The following ZDHHC15 variants were observed in gnomAD, a reference collection of about 807,000 sequenced individuals.
ZDHHC15 encodes zDHHC palmitoyltransferase 15.
In ZDHHC15, 19 loss-of-function variants were observed where a neutral mutation model predicts 31.7. The ratio of observed to expected loss-of-function variants is 0.60; its 90% CI spans 0.42 to 0.88. ZDHHC15 has a LOEUF of 0.88. Ranked by LOEUF, ZDHHC15 falls within the 40% of genes least tolerant of loss-of-function variation. ZDHHC15 has a pLI of 0.00. For synonymous variants in ZDHHC15, 103 were observed against 90.0 expected (o/e 1.14, Z -0.82); for missense variants, 209 against 251.2 (o/e 0.83, Z 1.14).
intron 2 of ZDHHC15, among the ~76,000 whole-genome samples, chrX:75,486,158 C>A (rs2084774601): frequency 8.9e-6 from 1 of 112,561 alleles, no homozygotes; most frequent in Non-Finnish European, 1.9e-5. Context: ...AAACATACAT[C>A]CCCACTGGGA....
chrX:75,411,308 A>C (rs1403566421), intron 10 of ZDHHC15, among the ~76,000 whole-genome samples: 1 of 110,134 alleles, frequency 9.1e-6, no homozygotes, highest in Non-Finnish European at 1.9e-5. Flanking sequence ...TCTGGGGTTC[A>C]CGCCACTCTC....
At chrX:75,466,385 T>G (rs951347892) in intron 3 of ZDHHC15, among the ~76,000 whole-genome samples, 16 of 111,420 alleles carry the variant, frequency 1.4e-4, no homozygotes, top group Non-Finnish European at 2.6e-4. Flanking sequence ...AGTGTGGCAA[T>G]TCCTTGAAGA....
intron 1 of ZDHHC15, among the ~76,000 whole-genome samples, chrX:75,518,603 C>T (rs1476249759): frequency 9.4e-6 from 1 of 106,528 alleles, no homozygotes; most frequent in African/African-American, 3.4e-5. Flanking sequence ...CATAGAATTA[C>T]CATACAGTCC....
At chrX:75,518,842 CACACAA>C (rs1422708057) in intron 1 of ZDHHC15, among the ~76,000 whole-genome samples, 7 of 62,631 alleles carry the variant, frequency 1.1e-4, no homozygotes, top group Non-Finnish European at 1.6e-4. Context: ...CACACACACA[CACACAA>C]TAGACTATTA....
intron 2 of ZDHHC15, among the ~76,000 whole-genome samples, chrX:75,504,648 C>A (rs910732975): frequency 2.7e-5 from 3 of 111,859 alleles, no homozygotes; most frequent in Non-Finnish European, 5.7e-5. Flanking sequence ...TCAAGTCTCA[C>A]TGGCTTATGC....
intron 1 of ZDHHC15, among the ~76,000 whole-genome samples, chrX:75,511,654 C>T (rs775358274): frequency 2.8e-5 from 3 of 106,325 alleles, no homozygotes; most frequent in East Asian, 3.0e-4. Context: ...TCCTTGCCCA[C>T]GCCTATGAAG....
intron 3 of ZDHHC15, among the ~76,000 whole-genome samples, chrX:75,474,650 C>G (rs1325534631): frequency 1.8e-5 from 1 of 54,223 alleles, no homozygotes; most frequent in Admixed American, 2.4e-4. Context: ...CTAAAATATT[C>G]CTGATCATTG....
chrX:75,392,932 T>C (rs1265758296), intron 10 of ZDHHC15, among the ~76,000 whole-genome samples: 2 of 106,318 alleles, frequency 1.9e-5, no homozygotes, highest in Admixed American at 1.0e-4. Context: ...CAGCAGGTCA[T>C]GGTTTTTTTT....
intron 3 of ZDHHC15, among the ~76,000 whole-genome samples, chrX:75,474,446 TATACACAC>T (rs200503075): frequency 1.2e-3 from 82 of 66,076 alleles, no homozygotes; most frequent in South Asian, 8.0e-3. Context: ...TATATATATA[TATACACAC>T]ACACACACAC....
intron 4 of ZDHHC15, among the ~76,000 whole-genome samples, chrX:75,436,967 T>C (rs763569693): frequency 1.7e-3 from 191 of 112,004 alleles, no homozygotes; most frequent in Non-Finnish European, 2.9e-3. Flanking sequence ...CTGCAAGCTC[T>C]GCCTCCTGGG....
chrX:75,390,637 G>A (rs1394900224), intron 10 of ZDHHC15, among the ~76,000 whole-genome samples: 1 of 111,467 alleles, frequency 9.0e-6, no homozygotes, highest in African/African-American at 3.3e-5. Flanking sequence ...AAGAGCCACA[G>A]CATTACTGGG....
chrX:75,508,473 G>A (rs2085205186), intron 1 of ZDHHC15, among the ~76,000 whole-genome samples: 2 of 108,466 alleles, frequency 1.8e-5, no homozygotes, highest in Admixed American at 9.9e-5. Context: ...CAAAGGACAT[G>A]AACTCATCCT....
intron 3 of ZDHHC15, among the ~76,000 whole-genome samples, chrX:75,463,908 C>T (rs772010177): frequency 1.3e-4 from 14 of 111,650 alleles, no homozygotes; most frequent in Non-Finnish European, 2.4e-4. Flanking sequence ...CTAGAAATAC[C>T]ATTTGACCCA....
chrX:75,477,088 A>G (rs2084617435), intron 3 of ZDHHC15, among the ~76,000 whole-genome samples: 1 of 111,250 alleles, frequency 9.0e-6, no homozygotes, highest in Admixed American at 9.6e-5. Context: ...GTTTTCATTC[A>G]TCTCAAAATA....
intron 6 of ZDHHC15, among the ~76,000 whole-genome samples, chrX:75,429,504 G>C (rs1313910092): frequency 8.9e-6 from 1 of 111,875 alleles, no homozygotes; most frequent in Non-Finnish European, 1.9e-5. Context: ...AGTTTTAGCA[G>C]CTACATTTGG....
rs777190380 is a variant in ZDHHC15, at chrX:75,490,412, C to T, written c.164-11427G>A. Among the ~76,000 whole-genome samples, 9 of 111,726 alleles carry T rather than the reference C, an allele frequency of 8.1e-5. No individual in the cohort carries two copies. In the South Asian group the frequency reaches 3.4e-3, roughly 42 times the overall value. On this transcript the variant is annotated intron_variant, in intron 2 of 11. Transcript: ENST00000373367. ...ATCTCTCAGCAGAAATTCTACAAGC[C>T]AGAAGAGAGTGAAGGCCAATATTCA...
intron 4 of ZDHHC15, among the ~76,000 whole-genome samples, chrX:75,448,467 C>A (rs765812222): frequency 8.9e-6 from 1 of 112,164 alleles, no homozygotes; most frequent in East Asian, 2.8e-4. Context: ...TTTCAAATAT[C>A]TTTGTCTTCT....
At chrX:75,448,870 T>C (rs974041184) in intron 4 of ZDHHC15, among the ~76,000 whole-genome samples, 1 of 110,685 alleles carries the variant, frequency 9.0e-6, no homozygotes, top group African/African-American at 3.3e-5. Flanking sequence ...TGCTTCTGGG[T>C]GAGATTAGCA....
Position 75,377,495 on chromosome X carries a change from C to CAA in ZDHHC15, c.*32+1623_*32+1624dup, listed in dbSNP as rs1328198525. Among the ~76,000 whole-genome samples, 421 of 45,366 alleles carry CAA rather than the reference C, an allele frequency of 9.3e-3. 2 individuals carry two copies. Among genetic ancestry groups the CAA allele is most frequent in the Non-Finnish European group, 0.023 (248 of 11,013 alleles). 39.4% of individuals were successfully genotyped at this position (45,366 alleles called of 115,157 possible). ...TGGGCAACAGAGTGAGACTCCATCT[C>CAA]AAAAAAAAAATATATATATATGTAT... is the stretch of plus-strand genomic sequence containing the variant. On this transcript the variant is annotated intron_variant, in intron 11 of 11. Coordinates refer to ENST00000373367, the MANE Select transcript of ZDHHC15 (RefSeq NM_144969.3).
Sources: allele counts gnomAD v4.1 joint callset (sites outside exome capture counted in the v4.1 genomes callset), GRCh38; gene constraint gnomAD v4.1.1; transcripts MANE v1.5; gene names NCBI Gene and HGNC (gene_info 2026-07-23, HGNC 2026-07-21).